The following ARHGAP44 variants were observed in gnomAD, a reference collection of about 807,000 sequenced individuals.
ARHGAP44 encodes the protein Rho GTPase activating protein 44.
A neutral mutation model predicts 106.8 loss-of-function variants in ARHGAP44; 43 were observed. That is an observed-to-expected ratio of 0.40 (90% CI 0.32 to 0.52). ARHGAP44 has a LOEUF of 0.52. Among genes scored for constraint, ARHGAP44 ranks in the 20% least tolerant of loss-of-function variants. ARHGAP44 has a pLI of 0.48. For missense variants in ARHGAP44, 866 were observed against 1,050.5 expected (o/e 0.82, Z 2.43); for synonymous variants, 439 against 410.3 (o/e 1.07, Z -0.85).
intron 1 of ARHGAP44, among the ~76,000 whole-genome samples, chr17:12,860,305 A>G (rs1028354115): frequency 6.6e-6 from 1 of 152,212 alleles, no homozygotes; most frequent in African/African-American, 2.4e-5. Flanking sequence ...TTATAAGGTC[A>G]ACAAGGCTCC....
chr17:12,912,263 A>G (rs1314622454), intron 4 of ARHGAP44, among the ~76,000 whole-genome samples: 3 of 152,266 alleles, frequency 2.0e-5, no homozygotes, highest in African/African-American at 7.2e-5. Context: ...AAATAGCCAG[A>G]GATCAAAAGC....
chr17:12,851,889 G>A (rs2035754211), intron 1 of ARHGAP44, among the ~76,000 whole-genome samples: 1 of 151,840 alleles, frequency 6.6e-6, no homozygotes, highest in Admixed American at 6.6e-5. Context: ...AGGAGGCCAG[G>A]GAATATAATC....
At chr17:12,844,801 A>G (rs1347937975) in intron 1 of ARHGAP44, among the ~76,000 whole-genome samples, 1 of 151,668 alleles carries the variant, frequency 6.6e-6, no homozygotes, top group Non-Finnish European at 1.5e-5. Flanking sequence ...CTGCATTTGT[A>G]TATTCTCCAA....
At chr17:12,924,387 A>G (rs184872556) in intron 6 of ARHGAP44, among the ~76,000 whole-genome samples, 5 of 152,282 alleles carry the variant, frequency 3.3e-5, no homozygotes, top group East Asian at 3.9e-4. Flanking sequence ...ATGATACGCA[A>G]ATTTCTTTTT....
chr17:12,953,908 A>C (rs947571216), intron 13 of ARHGAP44, among the ~76,000 whole-genome samples: 8 of 152,104 alleles, frequency 5.3e-5, no homozygotes, highest in Non-Finnish European at 7.4e-5. Context: ...TTTTCTTGAG[A>C]CAGAGTCTCA....
At chr17:12,977,584 C>G (rs2039717324) in intron 18 of ARHGAP44, among the ~76,000 whole-genome samples, 1 of 152,198 alleles carries the variant, frequency 6.6e-6, no homozygotes, top group South Asian at 2.1e-4. Context: ...AGTCATGCAT[C>G]TTCAGAGCTA....
At chr17:12,846,390 CTGTT>C (rs1296672738) in intron 1 of ARHGAP44, among the ~76,000 whole-genome samples, 1 of 152,160 alleles carries the variant, frequency 6.6e-6, no homozygotes, top group Non-Finnish European at 1.5e-5. Flanking sequence ...GTGCACGCAT[CTGTT>C]TGTGTGTGTG....
chr17:12,919,904 G>T, intron 6 of ARHGAP44, 73 bp downstream of exon 6: 1 of 1,275,258 alleles, frequency 7.8e-7, no homozygotes, highest in Non-Finnish European at 1.1e-6. Flanking sequence ...TGGGTTTTAA[G>T]TAGGCAATTG....
chr17:12,839,731 C>A (rs146938378), intron 1 of ARHGAP44, among the ~76,000 whole-genome samples: 1 of 152,088 alleles, frequency 6.6e-6, no homozygotes, highest in African/African-American at 2.4e-5. Context: ...CTTTAAGTTG[C>A]GTGGATATTC....
At chr17:12,956,472 A>G (rs2039129770) in intron 14 of ARHGAP44, among the ~76,000 whole-genome samples, 183 bp from the exon 15 acceptor site, 1 of 152,170 alleles carries the variant, frequency 6.6e-6, no homozygotes, top group African/African-American at 2.4e-5. Flanking sequence ...CATTCTGCAG[A>G]TGGAAAAAGA....
At chr17:12,860,159 C>T (rs1256398918) in intron 1 of ARHGAP44, among the ~76,000 whole-genome samples, 1 of 152,076 alleles carries the variant, frequency 6.6e-6, no homozygotes, top group Non-Finnish European at 1.5e-5. Flanking sequence ...TTTCTTTGGT[C>T]CACAGACTCC....
intron 4 of ARHGAP44, among the ~76,000 whole-genome samples, chr17:12,910,043 A>G (rs536773887): frequency 6.6e-6 from 1 of 152,342 alleles, no homozygotes; most frequent in Admixed American, 6.5e-5. Flanking sequence ...ATCTTCAAGT[A>G]TTGAGCGAAA....
intron 16 of ARHGAP44, among the ~76,000 whole-genome samples, chr17:12,963,236 C>T (rs1448271971): frequency 6.6e-6 from 1 of 152,010 alleles, no homozygotes; most frequent in African/African-American, 2.4e-5. Flanking sequence ...GCTTTCCCTT[C>T]GAGTCTGAGT....
At chr17:12,978,149 C>T (rs1264612583) in intron 18 of ARHGAP44, among the ~76,000 whole-genome samples, 2 of 151,748 alleles carry the variant, frequency 1.3e-5, no homozygotes, top group Non-Finnish European at 2.9e-5. Context: ...GTCTACCCAC[C>T]CACAAGAAGC....
At chr17:12,808,505 C>T (rs1229538338) in intron 1 of ARHGAP44, among the ~76,000 whole-genome samples, 4 of 152,206 alleles carry the variant, frequency 2.6e-5, no homozygotes, top group African/African-American at 9.7e-5. Context: ...GGGCTCAATA[C>T]CATGTGGAGG....
At chr17:12,908,995 G>T (rs770529293) in intron 4 of ARHGAP44, 22 bp downstream of exon 4, 2 of 1,566,508 alleles carry the variant, frequency 1.3e-6, no homozygotes, top group African/African-American at 1.4e-5. Context: ...CCTTGCGTGA[G>T]TTTGGTGCCA....
At chr17:12,966,904 C>T (rs1033664712) in intron 16 of ARHGAP44, among the ~76,000 whole-genome samples, 1 of 152,194 alleles carries the variant, frequency 6.6e-6, no homozygotes, top group African/African-American at 2.4e-5. Context: ...GTTCTGCTAA[C>T]CCCAGACAAC....
chr17:12,921,121 C>T (rs2038070712), intron 6 of ARHGAP44, among the ~76,000 whole-genome samples: 1 of 152,058 alleles, frequency 6.6e-6, no homozygotes, highest in Admixed American at 6.6e-5. Context: ...GGCTGGAGTG[C>T]AGTGGCGCGG....
chr17:12,956,793 G>A (rs1337835667), intron 15 of ARHGAP44, 47 bp downstream of exon 15: 3 of 1,543,628 alleles, frequency 1.9e-6, no homozygotes, highest in East Asian at 2.2e-5. Flanking sequence ...GGGAACAGGA[G>A]TATCACTGCG....
Sources: allele counts gnomAD v4.1 joint callset (sites outside exome capture counted in the v4.1 genomes callset), GRCh38; gene constraint gnomAD v4.1.1; transcripts MANE v1.5; gene names NCBI Gene and HGNC (gene_info 2026-07-23, HGNC 2026-07-21).